CCDC93: variants seen among roughly 807,000 people sequenced by gnomAD.
CCDC93 encodes the protein coiled-coil domain-containing protein 93.
In CCDC93, 61 loss-of-function variants were observed where a neutral mutation model predicts 108.2. That is an observed-to-expected ratio of 0.56 (90% CI 0.46 to 0.70). CCDC93 has a LOEUF of 0.70. CCDC93 is among the 30% of genes least tolerant of loss of function. CCDC93 has a pLI of 0.00. For synonymous variants in CCDC93, 276 were observed against 260.4 expected (o/e 1.06, Z -0.58); for missense variants, 685 against 764.2 (o/e 0.90, Z 1.22).
chr2:117,925,150 C>T (rs1484943464), intron 23 of CCDC93, among the ~76,000 whole-genome samples: 2 of 152,166 alleles, frequency 1.3e-5, no homozygotes, highest in Non-Finnish European at 2.9e-5. Flanking sequence ...ACAACTGGTA[C>T]CAGCCACTGC....
At chr2:117,938,562 A>G (rs1382814519) in intron 20 of CCDC93, among the ~76,000 whole-genome samples, 21 of 151,976 alleles carry the variant, frequency 1.4e-4, no homozygotes, top group African/African-American at 5.1e-4. Flanking sequence ...CAAGAAAAAA[A>G]AAAAAAAAAG....
chr2:117,966,042 T>G (rs1679558531), intron 11 of CCDC93, among the ~76,000 whole-genome samples: 1 of 152,200 alleles, frequency 6.6e-6, no homozygotes, highest in East Asian at 1.9e-4. Context: ...AACGATATAT[T>G]AACAATTGAT....
chr2:117,984,155 A>G (rs1680244213), intron 7 of CCDC93, among the ~76,000 whole-genome samples: 1 of 152,118 alleles, frequency 6.6e-6, no homozygotes, highest in Admixed American at 6.5e-5. Context: ...ACCTGCCACA[A>G]ACTTACCCTC....
At chr2:117,974,528 G>A (rs1246728456) in intron 10 of CCDC93, among the ~76,000 whole-genome samples, 2 of 152,102 alleles carry the variant, frequency 1.3e-5, no homozygotes, top group African/African-American at 2.4e-5. Flanking sequence ...GATAGTGTAG[G>A]AAGAAAGCAG....
intron 8 of CCDC93, 151 bp from the exon 9 acceptor site, chr2:117,975,431 C>T: frequency 1.6e-6 from 1 of 621,474 alleles, no homozygotes; most frequent in East Asian, 2.7e-5. Flanking sequence ...AACGGCTGAA[C>T]CTCCACTAGA....
At chr2:117,955,916 A>G (rs1045642344) in intron 12 of CCDC93, among the ~76,000 whole-genome samples, 2 of 152,254 alleles carry the variant, frequency 1.3e-5, no homozygotes, top group East Asian at 3.8e-4. Context: ...AGACACAAAT[A>G]GTAGCTTGCT....
intron 3 of CCDC93, among the ~76,000 whole-genome samples, chr2:118,002,988 A>G (rs1389956013): frequency 6.6e-6 from 1 of 152,238 alleles, no homozygotes; most frequent in Non-Finnish European, 1.5e-5. Context: ...CAGAGAGCTA[A>G]GATCACGCCA....
chr2:118,002,896 G>A (rs1676748183), intron 3 of CCDC93, among the ~76,000 whole-genome samples: 1 of 152,246 alleles, frequency 6.6e-6, no homozygotes, highest in East Asian at 1.9e-4. Context: ...AAATTAGCCA[G>A]GCATAATGGT....
rs1679880682 is a variant in CCDC93 at position 117,974,865 on chromosome 2, A to G, written c.786T>C (p.Ala262=). ...TCCCACTCACCTCCTCATTTGCCAT[A>G]GCGGTCATCTTGGTCATCAGCGACT... ...RIQSLMTKMT[A]MANEESRLTA... The change falls in exon 10 of 24, where the codon GCT becomes GCC. Residue 262 remains alanine, a synonymous_variant. Transcript: ENST00000376300. The G allele has an allele frequency of 1.3e-6, 2 of 1,571,938 alleles. No homozygotes were observed. The highest frequency in any genetic ancestry group is 1.7e-6 in the Non-Finnish European group (2 of 1,157,838).
rs375536207 is a variant in CCDC93, at chr2:118,013,964, C to A, written c.32G>T (p.Gly11Val). The A allele has an allele frequency of 1.4e-5, 23 of 1,594,922 alleles. No homozygotes were observed. Among genetic ancestry groups the A allele is most frequent in the Non-Finnish European group, 1.9e-5 (22 of 1,172,312 alleles). Residue 11 changes from glycine (G) to valine (V), a missense_variant, in exon 1 of 24, where the codon GGT (glycine) becomes GTT (valine). By Grantham distance (109) the Gly-to-Val change is moderately radical. Coordinates refer to ENST00000376300, the MANE Select transcript of CCDC93 (RefSeq NM_019044.5). MGLPRGPEGQ[G>V]LPEVETREDE... ...AGGAGGCGTTCTTACCTCCGGGAGA[C>A]CCTGGCCCTCCGGCCCCCTGGGCAA...
At chr2:117,999,446 A>C (rs1045165795) in intron 4 of CCDC93, 3 of 152,202 alleles carry the variant, frequency 2.0e-5, no homozygotes, top group Non-Finnish European at 2.9e-5. Context: ...ACTTTCCTCA[A>C]ATGTAAGGGA....
Position 117,944,641 on chromosome 2 carries a change from T to G in CCDC93, c.1351-555A>C, listed in dbSNP as rs111972722. ...CATGGTAAGAGACATGGCTGGATGG[T>G]TTGTCGCCTCAGAGAAAGTTACAAA... is the stretch of plus-strand genomic sequence containing the variant. On this transcript the variant is annotated intron_variant, in intron 17 of 23. Coordinates refer to ENST00000376300, the MANE Select transcript of CCDC93 (RefSeq NM_019044.5). 3,642 of 451,734 alleles carry G rather than the reference T, an allele frequency of 8.1e-3. 26 individuals carry two copies. Among genetic ancestry groups the G allele is most frequent in the South Asian group, 0.014 (845 of 61,760 alleles). The allele number at this position is 451,734 out of a possible 1,614,324, so 28.0% of individuals were successfully genotyped here.
intron 11 of CCDC93, among the ~76,000 whole-genome samples, chr2:117,966,356 C>A (rs1362176859): frequency 6.6e-6 from 1 of 152,162 alleles, no homozygotes; most frequent in East Asian, 1.9e-4. Context: ...AGTCAGGCCT[C>A]CAAGGTGATG....
chr2:117,988,186 G>A lies in CCDC93; in HGVS notation c.520-2117C>T, dbSNP rs181156968. On this transcript the variant is annotated intron_variant, in intron 6 of 23. Transcript: ENST00000376300. ...GCAGATGCTAAAAGGCACACACACAGGGTTAAATATTAAGGTGACCCTTTT... is the reference window on the plus strand; with the variant it reads ...GCAGATGCTAAAAGGCACACACACAAGGTTAAATATTAAGGTGACCCTTTT... Among the ~76,000 whole-genome samples, 29 of 151,966 alleles carry A rather than the reference G, an allele frequency of 1.9e-4. 1 individual carries two copies. The East Asian group carries it at 5.4e-3, about 28-fold the overall frequency.
intron 14 of CCDC93, among the ~76,000 whole-genome samples, chr2:117,948,488 A>G (rs1165056311): frequency 7.9e-5 from 12 of 152,250 alleles, no homozygotes; most frequent in Admixed American, 6.5e-4. Flanking sequence ...AATGATACCA[A>G]TTATTCAACT....
intron 20 of CCDC93, 135 bp downstream of exon 20, chr2:117,938,894 G>T: frequency 1.8e-6 from 1 of 563,378 alleles, no homozygotes; most frequent in Non-Finnish European, 3.2e-6. Flanking sequence ...GGGTATGCCA[G>T]CACTTAGCAT....
chr2:117,947,818 C>T (rs1376620623), intron 15 of CCDC93, among the ~76,000 whole-genome samples: 1 of 151,876 alleles, frequency 6.6e-6, no homozygotes, highest in Non-Finnish European at 1.5e-5. Context: ...CTCAGCCTCC[C>T]GAGTAGCTGG....
In CCDC93 at chr2:117,939,178, C is replaced by T. The variant is rs921930069; in HGVS notation, c.1523-67G>A. The T allele has an allele frequency of 4.3e-6, 4 of 938,372 alleles. No homozygotes were observed. The Admixed American group carries it at 7.8e-5, about 18-fold the overall frequency. 58.1% of individuals were successfully genotyped at this position (938,372 alleles called of 1,614,324 possible). ...TCAGAACACCCTACCTGCCCCTCTCCTCCATGAATGCACTGCCAGGACAAC... is the reference window on the plus strand; with the variant it reads ...TCAGAACACCCTACCTGCCCCTCTCTTCCATGAATGCACTGCCAGGACAAC... On this transcript the variant is annotated intron_variant, in intron 19 of 23. Coordinates refer to ENST00000376300, the MANE Select transcript of CCDC93 (RefSeq NM_019044.5).
rs1677767086 is a variant in CCDC93 at position 117,918,756 on chromosome 2, C to T, written c.*1587G>A. 1.3e-5 allele frequency: 2 copies of T among 151,926 alleles called. No individual in the cohort carries two copies. Among genetic ancestry groups the T allele is most frequent in the Non-Finnish European group, 3.0e-5 (2 of 67,786 alleles). The allele number at this position is 151,926 out of a possible 1,614,324, so 9.4% of individuals were successfully genotyped here. ...CACATGACCACGGCTCAGGGACCAG[C>T]TGAGGTGGAGCTGCACATGACCCAA... On this transcript the variant is annotated 3_prime_UTR_variant, in exon 24 of 24. Transcript: ENST00000376300.
Sources: gnomAD v4.1 joint callset for allele counts (sites outside exome capture counted in the v4.1 genomes callset) on GRCh38, gnomAD v4.1.1 for gene constraint, MANE v1.5 for transcripts, NCBI Gene and HGNC (gene_info 2026-07-23, HGNC 2026-07-21) for gene names.